The following PLD5 variants were observed in gnomAD, a reference collection of about 807,000 sequenced individuals.
The protein encoded by PLD5 is inactive phospholipase D5.
A neutral mutation model predicts 61.1 loss-of-function variants in PLD5; 36 were observed. The observed-to-expected ratio is 0.59, with a 90% CI of 0.45 to 0.78. PLD5 has a LOEUF of 0.78. Among genes scored for constraint, PLD5 ranks in the 30% least tolerant of loss-of-function variants. The pLI, the probability that PLD5 is intolerant of heterozygous loss-of-function variation, is 0.00. For synonymous variants in PLD5, 243 were observed against 242.8 expected (o/e 1.00, Z -0.01); for missense variants, 515 against 644.4 (o/e 0.80, Z 2.17).
chr1:242,432,025 C>T (rs568779205), intron 1 of PLD5, among the ~76,000 whole-genome samples: 1 of 152,266 alleles, frequency 6.6e-6, no homozygotes, highest in East Asian at 1.9e-4. Flanking sequence ...CATCACCAGC[C>T]ACAGGAAAGG....
At chr1:242,166,790 A>C (rs1272791253) in intron 5 of PLD5, among the ~76,000 whole-genome samples, 1 of 152,178 alleles carries the variant, frequency 6.6e-6, no homozygotes, top group Non-Finnish European at 1.5e-5. Flanking sequence ...CTGACTGATA[A>C]CATAGTTTTT....
chr1:242,163,755 G>A (rs1191661747), intron 5 of PLD5, among the ~76,000 whole-genome samples: 2 of 151,782 alleles, frequency 1.3e-5, no homozygotes, highest in Non-Finnish European at 2.9e-5. Flanking sequence ...GGTGAAAGGA[G>A]ATGGAAAAGG....
intron 4 of PLD5, among the ~76,000 whole-genome samples, chr1:242,253,755 T>C (rs1672855105): frequency 6.6e-6 from 1 of 152,240 alleles, no homozygotes; most frequent in Non-Finnish European, 1.5e-5. Context: ...CTTGAAAATG[T>C]TATTCCTGCT....
At chr1:242,287,342 A>G (rs1382083640) in intron 3 of PLD5, among the ~76,000 whole-genome samples, 1 of 152,194 alleles carries the variant, frequency 6.6e-6, no homozygotes, top group Non-Finnish European at 1.5e-5. Context: ...TATTTCTTTA[A>G]ACCACTATAT....
intron 5 of PLD5, among the ~76,000 whole-genome samples, chr1:242,126,479 C>G (rs993785776): frequency 1.3e-5 from 2 of 152,200 alleles, no homozygotes; most frequent in African/African-American, 4.8e-5. Context: ...CCCAATGGAA[C>G]AGAATAGAGA....
intron 4 of PLD5, among the ~76,000 whole-genome samples, chr1:242,223,816 T>C (rs890601136): frequency 1.3e-5 from 2 of 151,536 alleles, no homozygotes; most frequent in Non-Finnish European, 2.9e-5. Flanking sequence ...AGACATATGC[T>C]TTTATCTTTA....
chr1:242,216,698 C>T (rs1170545585), intron 5 of PLD5, among the ~76,000 whole-genome samples: 1 of 152,214 alleles, frequency 6.6e-6, no homozygotes, highest in East Asian at 1.9e-4. Flanking sequence ...CTGTGAGTGG[C>T]CTGGACCCTC....
At chr1:242,348,793 G>A (rs564701974) in intron 1 of PLD5, among the ~76,000 whole-genome samples, 43 of 152,306 alleles carry the variant, frequency 2.8e-4, no homozygotes, top group Non-Finnish European at 4.7e-4. Flanking sequence ...GGTGGCTCAT[G>A]CCTGTAATCC....
chr1:242,133,353 GTATT>G (rs1663453241), intron 5 of PLD5, among the ~76,000 whole-genome samples: 1 of 152,140 alleles, frequency 6.6e-6, no homozygotes, highest in Non-Finnish European at 1.5e-5. Flanking sequence ...CCTCTAGAGG[GTATT>G]TACACCCCAG....
chr1:242,320,225 A>AT (rs1369649331), intron 2 of PLD5, among the ~76,000 whole-genome samples: 1 of 152,236 alleles, frequency 6.6e-6, no homozygotes, highest in Non-Finnish European at 1.5e-5. Flanking sequence ...ATTGCAGGTG[A>AT]TTTTTTAGAA....
chr1:242,095,015 C>A (rs1660111323), intron 9 of PLD5, among the ~76,000 whole-genome samples: 1 of 151,454 alleles, frequency 6.6e-6, no homozygotes, highest in African/African-American at 2.4e-5. Context: ...CGGCTCACTG[C>A]AACCTCCACC....
chr1:242,115,757 G>A (rs1661899202), intron 6 of PLD5, among the ~76,000 whole-genome samples: 1 of 152,096 alleles, frequency 6.6e-6, no homozygotes, highest in African/African-American at 2.4e-5. Flanking sequence ...TAACAGTGAA[G>A]GAATATCTGA....
intron 1 of PLD5, among the ~76,000 whole-genome samples, chr1:242,509,996 G>A (rs1178440577): frequency 6.6e-6 from 1 of 152,160 alleles, no homozygotes; most frequent in African/African-American, 2.4e-5. Context: ...GATTTTTGAA[G>A]CATTTCAATG....
chr1:242,131,771 CA>C (rs1663272915), intron 5 of PLD5, among the ~76,000 whole-genome samples: 1 of 148,978 alleles, frequency 6.7e-6, no homozygotes. Flanking sequence ...TTTTGGGTTT[CA>C]AAATAAAAAT....
chr1:242,273,479 T>C (rs547736186), intron 3 of PLD5, among the ~76,000 whole-genome samples: 2 of 152,154 alleles, frequency 1.3e-5, no homozygotes, highest in Non-Finnish European at 2.9e-5. Flanking sequence ...ATATTACAAA[T>C]AAAAATGTGT....
At chr1:242,102,313 C>CATTT (rs1660751731) in intron 8 of PLD5, among the ~76,000 whole-genome samples, 1 of 152,142 alleles carries the variant, frequency 6.6e-6, no homozygotes, top group Admixed American at 6.5e-5. Context: ...AGTAAAAACC[C>CATTT]ATTTGCTCTA....
At chr1:242,529,127 A>G (rs1669502078), upstream of PLD5, among the ~76,000 whole-genome samples, 1 of 152,232 alleles carries the variant, frequency 6.6e-6, no homozygotes, top group Non-Finnish European at 1.5e-5. Flanking sequence ...TTTCTGTAGA[A>G]ACAATTGAAT....
In PLD5 at chr1:242,514,197, C is replaced by T. The variant is rs112222410; in HGVS notation, c.189+9891G>A. Among the ~76,000 whole-genome samples the T allele has an allele frequency of 4.6e-3, 705 of 152,294 alleles. 6 individuals carry two copies. Among genetic ancestry groups the T allele is most frequent in the African/African-American group, 0.016 (684 of 41,560 alleles). On this transcript the variant is annotated intron_variant, in intron 1 of 9. Coordinates refer to ENST00000536534, the MANE Select transcript of PLD5 (RefSeq NM_001372062.1). ...TAATCTACCATTGTGGGTGTTTTTA[C>T]ACCCAATTCTTCCTAAATAAACTCT... is the stretch of plus-strand genomic sequence containing the variant.
chr1:242,262,195 GC>G (rs1313632082), intron 4 of PLD5, among the ~76,000 whole-genome samples: 2 of 152,104 alleles, frequency 1.3e-5, no homozygotes, highest in East Asian at 1.9e-4. Context: ...ATAAAACTCA[GC>G]CAAAGAATCC....
Sources: gnomAD v4.1 joint callset for allele counts (sites outside exome capture counted in the v4.1 genomes callset) on GRCh38, gnomAD v4.1.1 for gene constraint, MANE v1.5 for transcripts, NCBI Gene and HGNC (gene_info 2026-07-23, HGNC 2026-07-21) for gene names.